The following NRG3 variants were observed in gnomAD, a reference collection of about 807,000 sequenced individuals.
NRG3 encodes the protein pro-neuregulin-3, membrane-bound isoform.
A neutral mutation model predicts 66.9 loss-of-function variants in NRG3; 31 were observed. The observed-to-expected ratio is 0.46, with a 90% CI of 0.35 to 0.63. The LOEUF is 0.63. Ranked by LOEUF, NRG3 falls within the 20% of genes least tolerant of loss-of-function variation. The pLI is 0.00. For synonymous variants in NRG3, 393 were observed against 359.4 expected (o/e 1.09, Z -1.06); for missense variants, 910 against 878.9 (o/e 1.04, Z -0.45).
intron 1 of NRG3, among the ~76,000 whole-genome samples, chr10:82,352,252 T>C (rs2083482120): frequency 6.6e-6 from 1 of 152,220 alleles, no homozygotes; most frequent in African/African-American, 2.4e-5. Context: ...GTTTGTATCT[T>C]CCAGAAGCAT....
At chr10:82,135,889 A>T (rs765014268) in intron 1 of NRG3, among the ~76,000 whole-genome samples, 6 of 152,016 alleles carry the variant, frequency 3.9e-5, no homozygotes, top group Non-Finnish European at 8.8e-5. Context: ...AATGGTCTTG[A>T]TGCTTGAGGA....
intron 4 of NRG3, among the ~76,000 whole-genome samples, chr10:82,883,326 C>T (rs928090601): frequency 1.3e-5 from 2 of 152,038 alleles, no homozygotes; most frequent in Non-Finnish European, 2.9e-5. Context: ...GAAGAAGCCT[C>T]GGAGATCAGC....
intron 2 of NRG3, among the ~76,000 whole-genome samples, chr10:82,499,525 T>C (rs1306717587): frequency 6.6e-6 from 1 of 152,134 alleles, no homozygotes; most frequent in East Asian, 1.9e-4. Context: ...ATTTAATTTC[T>C]TTTAGAAATT....
At chr10:82,867,133 T>A (rs2135959233) in intron 4 of NRG3, among the ~76,000 whole-genome samples, 1 of 152,282 alleles carries the variant, frequency 6.6e-6, no homozygotes, top group South Asian at 2.1e-4. Context: ...ACGGTAGCAA[T>A]TTATTTCCTG....
chr10:82,567,230 A>G (rs1010700366), intron 2 of NRG3, among the ~76,000 whole-genome samples: 3 of 151,852 alleles, frequency 2.0e-5, no homozygotes, highest in Non-Finnish European at 2.9e-5. Context: ...TGGAAGTACT[A>G]TTTTCCTGTG....
chr10:82,570,616 T>C (rs1165602670), intron 2 of NRG3, among the ~76,000 whole-genome samples: 1 of 151,512 alleles, frequency 6.6e-6, no homozygotes, highest in Non-Finnish European at 1.5e-5. Context: ...CCATAAATAT[T>C]AATGGGCATG....
intron 1 of NRG3, among the ~76,000 whole-genome samples, chr10:81,968,320 A>C (rs917033787): frequency 1.3e-5 from 2 of 152,180 alleles, no homozygotes; most frequent in Admixed American, 6.5e-5. Context: ...TGTCCTAATC[A>C]ATCACTCTAA....
chr10:81,982,346 C>T (rs1318566673), intron 1 of NRG3, among the ~76,000 whole-genome samples: 2 of 152,178 alleles, frequency 1.3e-5, no homozygotes, highest in East Asian at 1.9e-4. Context: ...CATTTAATGT[C>T]CATGATTTTA....
chr10:81,996,272 C>T (rs1234306193), intron 1 of NRG3, among the ~76,000 whole-genome samples: 2 of 152,252 alleles, frequency 1.3e-5, no homozygotes, highest in East Asian at 1.9e-4. Context: ...AAATGTTGCA[C>T]TGTGCATGTC....
chr10:81,921,247 A>G (rs1589460584), intron 1 of NRG3, among the ~76,000 whole-genome samples: 1 of 152,030 alleles, frequency 6.6e-6, no homozygotes, highest in South Asian at 2.1e-4. Flanking sequence ...TCCACTAATT[A>G]TAATTGCTAA....
chr10:82,251,328 A>G (rs1389573442), intron 1 of NRG3, among the ~76,000 whole-genome samples: 1 of 152,126 alleles, frequency 6.6e-6, no homozygotes, highest in African/African-American at 2.4e-5. Flanking sequence ...TTAAAAGAGC[A>G]TGGATCTTGC....
intron 1 of NRG3, among the ~76,000 whole-genome samples, chr10:82,279,983 A>G (rs1244499893): frequency 1.3e-5 from 2 of 152,324 alleles, no homozygotes; most frequent in Admixed American, 6.5e-5. Context: ...GAATAACTTA[A>G]TTTGAAGGAG....
intron 1 of NRG3, among the ~76,000 whole-genome samples, chr10:82,053,030 TTTA>T (rs1479806221): frequency 6.9e-6 from 1 of 145,682 alleles, no homozygotes; most frequent in Non-Finnish European, 1.5e-5. Context: ...ATCAAATGTT[TTTA>T]TTCATTCATT....
At chr10:82,228,210 A>G (rs1170871072) in intron 1 of NRG3, among the ~76,000 whole-genome samples, 3 of 152,240 alleles carry the variant, frequency 2.0e-5, no homozygotes, top group African/African-American at 7.2e-5. Context: ...ACAATACAAT[A>G]GGAGTGAGTG....
intron 2 of NRG3, among the ~76,000 whole-genome samples, chr10:82,714,215 G>A (rs1370776310): frequency 6.6e-6 from 1 of 152,052 alleles, no homozygotes; most frequent in Non-Finnish European, 1.5e-5. Context: ...ATTTCTTCAT[G>A]TAGTTATCAT....
At chr10:82,255,956 CT>C (rs1163355307) in intron 1 of NRG3, among the ~76,000 whole-genome samples, 1 of 151,874 alleles carries the variant, frequency 6.6e-6, no homozygotes, top group Non-Finnish European at 1.5e-5. Context: ...TGGAGTCTCG[CT>C]CTGTCACCCA....
At chr10:82,616,948 GA>G (rs922011216) in intron 2 of NRG3, among the ~76,000 whole-genome samples, 20 of 152,192 alleles carry the variant, frequency 1.3e-4, no homozygotes, top group African/African-American at 4.6e-4. Context: ...TGGAAAAAAG[GA>G]AACCCTGAGA....
In NRG3 at chr10:82,776,753, C is replaced by T. The variant is rs185615606; in HGVS notation, c.1027+38103C>T. Among the ~76,000 whole-genome samples the T allele has an allele frequency of 4.5e-3, 680 of 151,840 alleles. 6 individuals carry two copies. Among genetic ancestry groups the T allele is most frequent in the Non-Finnish European group, 5.5e-3 (372 of 67,988 alleles). On this transcript the variant is annotated intron_variant, in intron 3 of 8. Transcript: ENST00000372141. Reference sequence around the variant, plus strand: ...ATTTCATTCACCACCTTCTTCAACTCGCGTATTTCTGTTTGGTCCTTTCTT... The same window carrying T: ...ATTTCATTCACCACCTTCTTCAACTTGCGTATTTCTGTTTGGTCCTTTCTT...
chr10:82,891,287 G>A (rs745400844), intron 4 of NRG3, among the ~76,000 whole-genome samples: 1 of 151,702 alleles, frequency 6.6e-6, no homozygotes, highest in South Asian at 2.1e-4. Flanking sequence ...TTCTTTCTGT[G>A]CATGGACATT....
Sources: gnomAD v4.1 joint callset for allele counts (sites outside exome capture counted in the v4.1 genomes callset) on GRCh38, gnomAD v4.1.1 for gene constraint, MANE v1.5 for transcripts, NCBI Gene and HGNC (gene_info 2026-07-23, HGNC 2026-07-21) for gene names.